Variants in CIMAP1C observed in about 807,000 individuals in gnomAD.
CIMAP1C encodes the protein outer dense fiber of sperm tails 3 like 1.
the CIMAP1C span, among the ~76,000 whole-genome samples, chr15:75,725,525 T>C: frequency 3.3e-5 from 5 of 152,200 alleles, no homozygotes; most frequent in Admixed American, 1.3e-4. Context: ...TCACTTGCCA[T>C]TGTGGCCAGG....
the CIMAP1C span, among the ~76,000 whole-genome samples, chr15:75,726,759 G>T: frequency 6.6e-6 from 1 of 152,108 alleles, no homozygotes; most frequent in East Asian, 1.9e-4. Context: ...GGGATTACAG[G>T]TGCACGCCAC....
chr15:75,725,318 A>G, the CIMAP1C span: 2 of 974,058 alleles, frequency 2.1e-6, no homozygotes, highest in African/African-American at 3.2e-5. Flanking sequence ...TGGGAATCTG[A>G]GACACTCAAG....
chr15:75,725,296 C>A, the CIMAP1C span: 1 of 1,123,876 alleles, frequency 8.9e-7, no homozygotes, highest in Non-Finnish European at 1.3e-6. Flanking sequence ...TGGAGCCATT[C>A]TCTGTAGCCA....
the CIMAP1C span, among the ~76,000 whole-genome samples, chr15:75,726,438 G>C: frequency 6.6e-6 from 1 of 152,202 alleles, no homozygotes; most frequent in Admixed American, 6.5e-5. Context: ...CGAGCTCACA[G>C]ACTGTAGTGA....
the CIMAP1C span, chr15:75,725,944 C>T: frequency 1.5e-6 from 1 of 647,054 alleles, no homozygotes; most frequent in Non-Finnish European, 2.7e-6. Context: ...GGTCCCCAAA[C>T]ACCCAGGAGC....
chr15:75,725,831 C>T, the CIMAP1C span, among the ~76,000 whole-genome samples: 2 of 152,220 alleles, frequency 1.3e-5, no homozygotes, highest in Non-Finnish European at 2.9e-5. Context: ...TGGGTGGCTG[C>T]CCAAGCTGCT....
chr15:75,727,202 A>T, the CIMAP1C span: 4 of 1,614,146 alleles, frequency 2.5e-6, no homozygotes. Context: ...CCAGTACCAG[A>T]TGCCACTCTT....
chr15:75,726,920 A>G, the CIMAP1C span: 1 of 1,123,222 alleles, frequency 8.9e-7, no homozygotes, highest in Non-Finnish European at 1.3e-6. Context: ...GGCCTAAGTG[A>G]CCATTTGGAT....
chr15:75,724,536 G>C, the CIMAP1C span, among the ~76,000 whole-genome samples: 2 of 152,234 alleles, frequency 1.3e-5, no homozygotes, highest in Non-Finnish European at 2.9e-5. Flanking sequence ...TTTGGAAAAA[G>C]ACTAGGAGCC....
chr15:75,727,466 C>G, the CIMAP1C span: 1 of 1,613,586 alleles, frequency 6.2e-7, no homozygotes, highest in Non-Finnish European at 8.5e-7. Context: ...GCACAAGCCC[C>G]ACATCCCTGC....
the CIMAP1C span, chr15:75,725,997 C>A: frequency 9.0e-7 from 1 of 1,106,696 alleles, no homozygotes; most frequent in African/African-American, 1.5e-5. Context: ...TGGAGGCAGG[C>A]CAGGTGCTCA....
the CIMAP1C span, chr15:75,725,156 A>G: frequency 6.2e-7 from 1 of 1,614,046 alleles, no homozygotes; most frequent in Non-Finnish European, 8.5e-7. Context: ...GGCTACATAG[A>G]TCATGACATC....
chr15:75,725,232 C>T, the CIMAP1C span: 6 of 1,558,132 alleles, frequency 3.9e-6, no homozygotes, highest in Admixed American at 1.7e-5. Flanking sequence ...AGCGTTGCCA[C>T]CCCAGTCATC....
the CIMAP1C span, chr15:75,727,041 CCCGCCACTCCCTTT>C: frequency 6.2e-7 from 1 of 1,603,702 alleles, no homozygotes; most frequent in Non-Finnish European, 8.5e-7. Flanking sequence ...GCCCTCCCTT[CCCGCCACTCCCTTT>C]CAGGCCTGAA....
the CIMAP1C span, chr15:75,726,037 C>G: frequency 1.3e-6 from 2 of 1,563,004 alleles, no homozygotes; most frequent in African/African-American, 1.4e-5. Context: ...TGACCAGGCC[C>G]TCTCCTTGGT....
the CIMAP1C span, chr15:75,727,122 G>A: frequency 8.1e-6 from 13 of 1,613,836 alleles, no homozygotes; most frequent in African/African-American, 5.3e-5. Context: ...CCGGGGGAAC[G>A]CAGGGCTCCC....
chr15:75,725,667 C>T, the CIMAP1C span, among the ~76,000 whole-genome samples: 2 of 152,188 alleles, frequency 1.3e-5, no homozygotes, highest in South Asian at 2.1e-4. Context: ...GTGGCGTGCA[C>T]CCGGGGGTCT....
At chr15:75,726,025 G>C in the CIMAP1C span, 1 of 1,489,032 alleles carries the variant, frequency 6.7e-7, no homozygotes, top group Middle Eastern at 1.8e-4. Context: ...AGCCTTTGGG[G>C]CTGACCAGGC....
At chr15:75,725,761 C>T in the CIMAP1C span, among the ~76,000 whole-genome samples, 5 of 152,196 alleles carry the variant, frequency 3.3e-5, no homozygotes, top group Non-Finnish European at 7.3e-5. Flanking sequence ...TGGGCCTTTG[C>T]TGAATGCCCA....
Sources: allele counts gnomAD v4.1 joint callset (sites outside exome capture counted in the v4.1 genomes callset), GRCh38; gene constraint gnomAD v4.1.1; transcripts MANE v1.5; gene names NCBI Gene and HGNC (gene_info 2026-07-23, HGNC 2026-07-21).